SMARCA4: variants seen among roughly 807,000 people sequenced by gnomAD.
SMARCA4 encodes SWI/SNF related BAF chromatin remodeling complex subunit ATPase 4, also known as SWI/SNF-related matrix-associated actin-dependent regulator of chromatin subfamily A member 4.
A neutral mutation model predicts 193.9 loss-of-function variants in SMARCA4; 31 were observed. The observed-to-expected ratio is 0.16, with a 90% CI of 0.12 to 0.22. The LOEUF (loss-of-function observed/expected upper bound fraction) is 0.22. SMARCA4 is among the 10% of genes least tolerant of loss of function. The pLI is 1.00. For missense variants in SMARCA4, 1,148 were observed against 2,296.0 expected (o/e 0.50, Z 10.22); for synonymous variants, 942 against 933.1 (o/e 1.01, Z -0.17).
In SMARCA4 at chr19:11,033,436, C is replaced by T. The variant is rs763218564; in HGVS notation, c.3693C>T (p.Ala1231=). The change falls in exon 26 of 35, where the codon GCC becomes GCT. Residue 1231 remains alanine (A), a synonymous_variant. Coordinates refer to ENST00000344626, the MANE Select transcript of SMARCA4 (RefSeq NM_003072.5). The surrounding 1 kb of genome is among the most constrained non-coding windows in gnomAD (Gnocchi z 9.8). ...ACGTGGACCAGAAGGTGATCCAGGC[C>T]GGCATGTTCGACCAGAAGTCCTCCA... ...KLNVDQKVIQ[A]GMFDQKSSSH... is the part of the protein sequence containing the mutation. 8.1e-6 allele frequency: 13 copies of T among 1,613,282 alleles called. No homozygotes were observed. Among genetic ancestry groups the T allele is most frequent in the South Asian group, 3.3e-5 (3 of 91,092 alleles).
At position 10,985,132 on chromosome 19, in the gene SMARCA4, T is replaced by A; in HGVS notation, c.223-141T>A. 4 of 833,630 alleles carry A rather than the reference T, an allele frequency of 4.8e-6. No individual in the cohort carries two copies. The highest frequency in any genetic ancestry group is 8.0e-6 in the Non-Finnish European group (4 of 502,654). The allele number at this position is 833,630 out of a possible 1,614,324, so 51.6% of individuals were successfully genotyped here. ...TAGGTGTCAGAACCTTGCCTTGGAG[T>A]CATGCTGGGGACTGGGGAGATGCGC... On this transcript the variant is annotated intron_variant, in intron 2 of 34. Coordinates refer to ENST00000344626, the MANE Select transcript of SMARCA4 (RefSeq NM_003072.5). The surrounding 1 kb of genome is among the most constrained non-coding windows in gnomAD (Gnocchi z 4.5).
chr19:11,045,675 C>G (rs1404500999), intron 30 of SMARCA4, among the ~76,000 whole-genome samples: 3 of 151,944 alleles, frequency 2.0e-5, no homozygotes, highest in African/African-American at 7.3e-5. Flanking sequence ...ACTCACAGAG[C>G]CCTCTTAGGG....
intron 9 of SMARCA4, chr19:10,995,825 C>G: frequency 2.7e-6 from 1 of 364,892 alleles, no homozygotes; most frequent in Admixed American, 3.8e-5. Flanking sequence ...AGGGTTTTGG[C>G]TGTGGGGTGA....
chr19:10,971,524 TTGG>T (rs2084671956), intron 1 of SMARCA4, among the ~76,000 whole-genome samples: 1 of 151,796 alleles, frequency 6.6e-6, no homozygotes, highest in African/African-American at 2.4e-5. Context: ...AGACAAGGTC[TTGG>T]TCTGTCACCC....
chr19:10,986,717 A>G lies in SMARCA4; in HGVS notation c.760+124A>G, dbSNP rs2086077259. 1 of 1,419,496 alleles carries G rather than the reference A, an allele frequency of 7.0e-7. No homozygotes were observed. The highest frequency in any genetic ancestry group is 2.5e-5 in the East Asian group (1 of 40,394). The allele number at this position is 1,419,496 out of a possible 1,614,324, so 87.9% of individuals were successfully genotyped here. ...CCGGTTTGGGATTGCACGGGCCCAT[A>G]CTGCACTTCTGGGTGCTCGGGTGGT... is the stretch of plus-strand genomic sequence containing the variant. On this transcript the variant is annotated intron_variant, in intron 4 of 34. Transcript: ENST00000344626. The surrounding 1 kb of genome is among the most constrained non-coding windows in gnomAD (Gnocchi z 6.7).
chr19:10,988,182 A>G (rs1215021892), intron 6 of SMARCA4, among the ~76,000 whole-genome samples: 3 of 150,894 alleles, frequency 2.0e-5, no homozygotes, highest in Admixed American at 6.6e-5. Flanking sequence ...GTGCAATGGC[A>G]CAATCTCGGT....
intron 13 of SMARCA4, among the ~76,000 whole-genome samples, chr19:11,006,372 G>T (rs569097462): frequency 2.6e-5 from 4 of 152,240 alleles, no homozygotes; most frequent in African/African-American, 7.2e-5. Context: ...CTTGTCGCCA[G>T]TGTTATCAGA....
intron 1 of SMARCA4, among the ~76,000 whole-genome samples, chr19:10,975,167 C>A (rs985336123): frequency 1.3e-5 from 2 of 150,130 alleles, no homozygotes; most frequent in African/African-American, 4.9e-5. Context: ...CAGGCATGCA[C>A]CATTACCCCT....
chr19:11,048,701 G>A (rs537701822), intron 30 of SMARCA4, among the ~76,000 whole-genome samples: 10 of 152,310 alleles, frequency 6.6e-5, no homozygotes, highest in African/African-American at 2.2e-4. Context: ...CTTTTGGAGA[G>A]GCAGGGACGC....
In SMARCA4 at chr19:10,987,730, G is replaced by T. The variant is rs944736912; in HGVS notation, c.924G>T (p.Thr308=). The part of the protein sequence containing the change: ...TPQKLIPPQP[T]GRPSPAPPAV... ...AGAAGCTGATTCCCCCGCAGCCAACGGGCCGCCCTTCCCCCGCGCCCCCTG... is the reference window on the plus strand; with the variant it reads ...AGAAGCTGATTCCCCCGCAGCCAACTGGCCGCCCTTCCCCCGCGCCCCCTG... The change falls in exon 6 of 35, where the codon ACG becomes ACT. Residue 308 remains threonine (T), a synonymous_variant. Transcript: ENST00000344626. This position sits in a 1 kb window ranked among gnomAD's most constrained non-coding sequence, Gnocchi z 5.3. The T allele has an allele frequency of 6.2e-7, 1 of 1,608,284 alleles. No individual in the cohort carries two copies. Among genetic ancestry groups the T allele is most frequent in the South Asian group, 1.1e-5 (1 of 90,662 alleles).
Position 11,033,163 on chromosome 19 carries a change from AG to A in SMARCA4, c.3547-125del. 1 of 758,124 alleles carries A rather than the reference AG, an allele frequency of 1.3e-6. No individual in the cohort carries two copies. The highest frequency in any genetic ancestry group is 2.3e-6 in the Non-Finnish European group (1 of 428,684). The allele number at this position is 758,124 out of a possible 1,614,324, so 47.0% of individuals were successfully genotyped here. A position where few individuals can be genotyped will look rare whatever the true frequency, so the allele number is the denominator to read the frequency against. Reference sequence around the variant, plus strand: ...CTCTGTTTTCATGCGGCGGCAGGTCAGGCTGGGCAGAATTGTCAGGCCGAGG... The same window carrying A: ...CTCTGTTTTCATGCGGCGGCAGGTCAGCTGGGCAGAATTGTCAGGCCGAGG... On this transcript the variant is annotated intron_variant, in intron 25 of 34. Transcript: ENST00000344626. The surrounding 1 kb of genome is among the most constrained non-coding windows in gnomAD (Gnocchi z 9.8).
At chr19:10,991,660 A>T (rs1274286995) in intron 8 of SMARCA4, among the ~76,000 whole-genome samples, 2 of 152,142 alleles carry the variant, frequency 1.3e-5, no homozygotes, top group African/African-American at 4.8e-5. Context: ...ACCCCCAAGG[A>T]AGGGAGGCAC....
Position 10,986,130 on chromosome 19 carries a change from G to C in SMARCA4, c.356-59G>C, listed in dbSNP as rs2086004576. 2 of 1,383,312 alleles carry C rather than the reference G, an allele frequency of 1.4e-6. No homozygotes were observed. The highest frequency in any genetic ancestry group is 3.4e-5 in the Admixed American group (2 of 59,556). 85.7% of individuals were successfully genotyped at this position (1,383,312 alleles called of 1,614,324 possible). A position where few individuals can be genotyped will look rare whatever the true frequency, so the allele number is the denominator to read the frequency against. On this transcript the variant is annotated intron_variant, in intron 3 of 34. Transcript: ENST00000344626. The surrounding 1 kb of genome is among the most constrained non-coding windows in gnomAD (Gnocchi z 6.7). ...GTAGGAGCTGGTGTAGGGGGAAGAG[G>C]CTGTAAAAATCACAGACATATGCTG...
In SMARCA4 at chr19:11,005,700, T is replaced by C. The variant is rs147493500; in HGVS notation, c.2002-2202T>C. Among the ~76,000 whole-genome samples, 324 of 152,326 alleles carry C rather than the reference T, an allele frequency of 2.1e-3. 1 individual carries two copies. The highest frequency in any genetic ancestry group is 0.015 in the South Asian group (73 of 4,824). ...CCTTCCACCTCCCTGCCAAGCCTCA[T>C]GGCCTGCAGCTCTCCAGCTGTAAGA... On this transcript the variant is annotated intron_variant, in intron 13 of 34. Coordinates refer to ENST00000344626, the MANE Select transcript of SMARCA4 (RefSeq NM_003072.5).
intron 22 of SMARCA4, 60 bp from the exon 23 acceptor site, chr19:11,026,240 G>T (rs375667566): frequency 1.5e-5 from 21 of 1,366,368 alleles, no homozygotes; most frequent in Non-Finnish European, 2.1e-5. Flanking sequence ...TGTGCGGACC[G>T]CAGCGGGGCC....
At chr19:11,003,776 A>G (rs999298329) in intron 13 of SMARCA4, among the ~76,000 whole-genome samples, 10 of 150,366 alleles carry the variant, frequency 6.7e-5, no homozygotes, top group Admixed American at 2.7e-4. Context: ...CACTGGTGCA[A>G]TCTCAGCTCA....
chr19:11,061,367 C>T (rs2076886330), intron 34 of SMARCA4, among the ~76,000 whole-genome samples: 1 of 151,248 alleles, frequency 6.6e-6, no homozygotes, highest in South Asian at 2.1e-4. Flanking sequence ...CTCGAAGGTC[C>T]CGAGAGGGCC....
chr19:10,984,294 G>A lies in SMARCA4; in HGVS notation c.143G>A (p.Gly48Glu). The change falls in exon 2 of 35, where the codon GGG (glycine) becomes GAG (glutamate). Residue 48 changes from glycine (G) to glutamate (E), a missense_variant. This residue lies in a region of SMARCA4 where 201 missense variants were observed against 248.3 expected (regional missense o/e 0.81). Coordinates refer to ENST00000344626, the MANE Select transcript of SMARCA4 (RefSeq NM_003072.5). The surrounding 1 kb of genome is among the most constrained non-coding windows in gnomAD (Gnocchi z 4.3). ...SAHSMMGPSPGPPSAGHPIPT... is the reference protein window; with the variant it reads ...SAHSMMGPSPEPPSAGHPIPT... ...CACAGCATGATGGGGCCCAGCCCAG[G>A]GCCGCCCTCAGCAGGACACCCCATC... 1 of 1,608,698 alleles carries A rather than the reference G, an allele frequency of 6.2e-7. No individual in the cohort carries two copies. Among genetic ancestry groups the A allele is most frequent in the Non-Finnish European group, 8.5e-7 (1 of 1,178,012 alleles).
rs1277579353 is a variant in SMARCA4 at position 11,013,196 on chromosome 19, A to G, written c.2438+84A>G. 4.9e-5 allele frequency: 72 copies of G among 1,463,906 alleles called. 2 individuals are homozygous for G. The highest frequency in any genetic ancestry group is 1.9e-4 in the East Asian group (8 of 41,976). 90.7% of individuals were successfully genotyped at this position (1,463,906 alleles called of 1,614,324 possible). ...CCTAAGTTTGCCGCAGTAGAATACC[A>G]CAAACGAGGTGGCTTAATTACAGAA... On this transcript the variant is annotated intron_variant, in intron 16 of 34. Transcript: ENST00000344626.
Sources: allele counts gnomAD v4.1 joint callset (sites outside exome capture counted in the v4.1 genomes callset), GRCh38; gene constraint gnomAD v4.1.1; regional missense constraint gnomAD v4.1.1; non-coding constraint Gnocchi (gnomAD v3.1); transcripts MANE v1.5; gene names NCBI Gene and HGNC (gene_info 2026-07-23, HGNC 2026-07-21).